Variants in PTPRM observed in about 807,000 individuals in gnomAD.
The protein encoded by PTPRM is protein tyrosine phosphatase receptor type M.
PTPRM carries 47 observed loss-of-function variants against 186.7 expected under a neutral mutation model. The observed-to-expected ratio is 0.25, with a 90% CI of 0.20 to 0.32. The LOEUF is 0.32. Ranked by LOEUF, PTPRM falls within the 10% of genes least tolerant of loss-of-function variation. PTPRM has a pLI of 1.00. For missense variants in PTPRM, 1,494 were observed against 1,865.0 expected, an observed-to-expected ratio of 0.80 and a Z score of 3.66; for synonymous variants, 668 against 674.9, an observed-to-expected ratio of 0.99 and a Z score of 0.16.
intron 1 of PTPRM, among the ~76,000 whole-genome samples, chr18:7,671,401 C>T (rs1050346617): frequency 6.6e-6 from 1 of 152,188 alleles, no homozygotes; most frequent in African/African-American, 2.4e-5. Context: ...GCCTCTCCCC[C>T]TTTTCTTCCT....
At chr18:7,788,630 C>T (rs546745907) in intron 2 of PTPRM, among the ~76,000 whole-genome samples, 4 of 152,242 alleles carry the variant, frequency 2.6e-5, no homozygotes, top group African/African-American at 7.2e-5. Context: ...GGTGGCTAAA[C>T]ATGTTTTGAA....
chr18:7,818,293 C>T (rs1014204900), intron 2 of PTPRM, among the ~76,000 whole-genome samples: 1 of 152,132 alleles, frequency 6.6e-6, no homozygotes, highest in African/African-American at 2.4e-5. Flanking sequence ...GGTATTATGG[C>T]CTCTCCATGA....
intron 1 of PTPRM, among the ~76,000 whole-genome samples, chr18:7,596,459 A>G (rs943632515): frequency 6.6e-6 from 1 of 152,212 alleles, no homozygotes; most frequent in Non-Finnish European, 1.5e-5. Flanking sequence ...CACAAGATGC[A>G]GGGTGAGTAC....
At chr18:7,901,373 T>A (rs190518459) in intron 3 of PTPRM, among the ~76,000 whole-genome samples, 16 of 151,830 alleles carry the variant, frequency 1.1e-4, no homozygotes, top group Non-Finnish European at 1.9e-4. Flanking sequence ...GCATGTTTTT[T>A]TTTTCTTTTT....
chr18:8,269,827 T>C (rs897524742), intron 19 of PTPRM, among the ~76,000 whole-genome samples: 2 of 152,072 alleles, frequency 1.3e-5, no homozygotes, highest in Non-Finnish European at 2.9e-5. Context: ...AAACTAGATA[T>C]GCACATGCAA....
At chr18:7,855,687 C>A (rs1567921676) in intron 2 of PTPRM, among the ~76,000 whole-genome samples, 1 of 152,016 alleles carries the variant, frequency 6.6e-6, no homozygotes, top group Non-Finnish European at 1.5e-5. Context: ...AACTAAGCTC[C>A]CAAAAGACTT....
chr18:7,568,745 C>T lies in PTPRM; in HGVS notation c.73+854C>T, dbSNP rs892847649. 2.0e-5 allele frequency among the ~76,000 whole-genome samples: 3 copies of T among 152,098 alleles called. No individual in the cohort carries two copies. Among genetic ancestry groups the T allele is most frequent in the Non-Finnish European group, 2.9e-5 (2 of 68,016 alleles). On this transcript the variant is annotated intron_variant, in intron 1 of 32. Transcript: ENST00000580170. This position sits in a 1 kb window ranked among gnomAD's most constrained non-coding sequence, Gnocchi z 5.1. The stretch of plus-strand genomic sequence containing the variant: ...GCGCGTGTGTGCCTGCACGCGCGCG[C>T]GGGGGCGTTCTAAGCCCAGAGGAAC...
intron 1 of PTPRM, among the ~76,000 whole-genome samples, chr18:7,754,260 A>C (rs2041361402): frequency 6.6e-6 from 1 of 152,208 alleles, no homozygotes; most frequent in Admixed American, 6.5e-5. Flanking sequence ...TGTGCACAGC[A>C]TTCTGCTGGA....
intron 14 of PTPRM, among the ~76,000 whole-genome samples, chr18:8,176,671 A>G (rs904958224): frequency 6.6e-6 from 1 of 152,198 alleles, no homozygotes; most frequent in Non-Finnish European, 1.5e-5. Context: ...AGTCTGGAAG[A>G]AAGGTCATGG....
intron 22 of PTPRM, among the ~76,000 whole-genome samples, chr18:8,339,724 T>C (rs1329018164): frequency 6.6e-6 from 1 of 151,148 alleles, no homozygotes; most frequent in Admixed American, 6.6e-5. Flanking sequence ...GGACTTGTGA[T>C]GTTGGCTCAT....
chr18:8,038,368 ATTAGC>A (rs1017327525), intron 7 of PTPRM, among the ~76,000 whole-genome samples: 6 of 147,166 alleles, frequency 4.1e-5, no homozygotes, highest in Non-Finnish European at 9.0e-5. Context: ...TTTTTCCTCA[ATTAGC>A]TTTTAGATTT....
chr18:8,132,078 T>C (rs1311126935), intron 13 of PTPRM, among the ~76,000 whole-genome samples: 1 of 152,218 alleles, frequency 6.6e-6, no homozygotes, highest in Non-Finnish European at 1.5e-5. Flanking sequence ...ACATAGTTTA[T>C]TCAAGTTGGA....
At position 7,914,339 on chromosome 18, in the gene PTPRM, G is replaced by A. The variant is rs77226129; in HGVS notation, c.547+7756G>A. ...TACCTTAGTTTTCTCTGATAAGAAT[G>A]TTGAATCTGTTTTTCCACTTGAAAA... On this transcript the variant is annotated intron_variant, in intron 4 of 32. Coordinates refer to ENST00000580170, the MANE Select transcript of PTPRM (RefSeq NM_001105244.2). 9.5e-3 allele frequency among the ~76,000 whole-genome samples: 1,439 copies of A among 152,168 alleles called. 24 individuals carry two copies. Among genetic ancestry groups the A allele is most frequent in the African/African-American group, 0.032 (1,350 of 41,544 alleles).
intron 2 of PTPRM, among the ~76,000 whole-genome samples, chr18:7,778,932 G>A (rs963635052): frequency 6.6e-6 from 1 of 152,152 alleles, no homozygotes. Context: ...AGATTAAGAA[G>A]CATTAAGAAG....
At chr18:8,179,152 A>G (rs192493866) in intron 14 of PTPRM, among the ~76,000 whole-genome samples, 28 of 152,370 alleles carry the variant, frequency 1.8e-4, no homozygotes, top group African/African-American at 5.3e-4. Context: ...CAGTTTCTCC[A>G]ATTGTGTCCT....
At chr18:8,384,353 G>A (rs990512449) in intron 29 of PTPRM, among the ~76,000 whole-genome samples, 2 of 152,108 alleles carry the variant, frequency 1.3e-5, no homozygotes, top group Admixed American at 6.6e-5. Context: ...AGCTACTTGA[G>A]AGGTTTAGGT....
At chr18:8,115,973 A>G (rs1000029136) in intron 13 of PTPRM, among the ~76,000 whole-genome samples, 1 of 152,204 alleles carries the variant, frequency 6.6e-6, no homozygotes, top group Non-Finnish European at 1.5e-5. Context: ...TTCTATATCC[A>G]AAAATCTATT....
At chr18:7,617,099 A>G (rs1567985756) in intron 1 of PTPRM, among the ~76,000 whole-genome samples, 1 of 152,212 alleles carries the variant, frequency 6.6e-6, no homozygotes, top group Admixed American at 6.5e-5. Flanking sequence ...CCCTCTTTCC[A>G]GTAGAGAATA....
intron 1 of PTPRM, among the ~76,000 whole-genome samples, chr18:7,768,289 G>T (rs2042107025): frequency 6.6e-6 from 1 of 152,122 alleles, no homozygotes; most frequent in Non-Finnish European, 1.5e-5. Flanking sequence ...TTGAACTCAG[G>T]AGTTCAGAAT....
Sources: gnomAD v4.1 joint callset for allele counts (sites outside exome capture counted in the v4.1 genomes callset) on GRCh38, gnomAD v4.1.1 for gene constraint, Gnocchi (gnomAD v3.1) non-coding constraint, MANE v1.5 for transcripts, NCBI Gene and HGNC (gene_info 2026-07-23, HGNC 2026-07-21) for gene names.